The following ADTRP variants were observed in gnomAD, a reference collection of about 807,000 sequenced individuals.
ADTRP encodes the protein androgen-dependent TFPI-regulating protein.
Under a neutral mutation model 27.0 loss-of-function variants are expected in ADTRP, and 20 were observed. The observed-to-expected ratio is 0.74, with a 90% confidence interval of 0.52 to 1.08. The LOEUF (loss-of-function observed/expected upper bound fraction) is 1.08. Ranked by LOEUF, ADTRP falls within the 50% of genes least tolerant of loss-of-function variation. The probability of loss-of-function intolerance (pLI) is 0.00; values close to 1 mark genes in which losing one functional copy is unlikely to be tolerated. For synonymous variants in ADTRP, 101 were observed against 105.2 expected, an observed-to-expected ratio of 0.96 and a Z score of 0.25; for missense variants, 251 against 275.0, an observed-to-expected ratio of 0.91 and a Z score of 0.62.
At chr6:11,716,719 C>CTTTTTCTTTTTCTTT (rs200468981) in intron 5 of ADTRP, among the ~76,000 whole-genome samples, 73 of 125,432 alleles carry the variant, frequency 5.8e-4, no homozygotes, top group Middle Eastern at 4.2e-3. Flanking sequence ...TTTTCTTTTT[C>CTTTTTCTTTTTCTTT]TTTTTTTTTT....
chr6:11,756,447 C>G (rs1026954377), intron 3 of ADTRP, among the ~76,000 whole-genome samples: 1 of 152,104 alleles, frequency 6.6e-6, no homozygotes, highest in Non-Finnish European at 1.5e-5. Context: ...ACATTTCATA[C>G]GCCCTACCTT....
At chr6:11,747,044 C>T (rs529085870) in intron 3 of ADTRP, among the ~76,000 whole-genome samples, 1 of 152,302 alleles carries the variant, frequency 6.6e-6, no homozygotes, top group Non-Finnish European at 1.5e-5. Flanking sequence ...AACGCAGGAC[C>T]AGTTGGCAAG....
intron 3 of ADTRP, among the ~76,000 whole-genome samples, chr6:11,754,101 T>C (rs1397039863): frequency 6.6e-6 from 1 of 152,146 alleles, no homozygotes; most frequent in Non-Finnish European, 1.5e-5. Context: ...GTGATCTGAG[T>C]GAGAATCAAC....
intron 3 of ADTRP, among the ~76,000 whole-genome samples, chr6:11,758,418 T>A (rs1468226742): frequency 6.6e-6 from 1 of 152,082 alleles, no homozygotes; most frequent in African/African-American, 2.4e-5. Context: ...GTTTTCTCCA[T>A]GGTCTCTAAA....
At chr6:11,722,870 G>A (rs1369736771) in intron 5 of ADTRP, among the ~76,000 whole-genome samples, 2 of 152,186 alleles carry the variant, frequency 1.3e-5, no homozygotes, top group Non-Finnish European at 2.9e-5. Context: ...GGAAGGCTGA[G>A]GAGCAGCCTA....
At chr6:11,761,250 C>G (rs1333741945) in intron 3 of ADTRP, among the ~76,000 whole-genome samples, 1 of 151,896 alleles carries the variant, frequency 6.6e-6, no homozygotes, top group Non-Finnish European at 1.5e-5. Flanking sequence ...GCCTTTTTTA[C>G]ACAAACACAC....
chr6:11,738,998 C>T (rs888259140), intron 3 of ADTRP, among the ~76,000 whole-genome samples: 1 of 151,770 alleles, frequency 6.6e-6, no homozygotes, highest in African/African-American at 2.4e-5. Flanking sequence ...TTTCACCTCA[C>T]TTTGACATAA....
At chr6:11,731,408 T>C (rs182242418) in intron 4 of ADTRP, among the ~76,000 whole-genome samples, 1 of 152,312 alleles carries the variant, frequency 6.6e-6, no homozygotes, top group Admixed American at 6.5e-5. Context: ...TTGCTTCCAC[T>C]CCAAACAAAC....
chr6:11,769,882 T>A, intron 1 of ADTRP: 1 of 760,428 alleles, frequency 1.3e-6, no homozygotes, highest in South Asian at 2.0e-5. Flanking sequence ...TCAAAAATCT[T>A]ACTACTCAAA....
intron 3 of ADTRP, among the ~76,000 whole-genome samples, chr6:11,738,027 G>T (rs546116260): frequency 6.6e-6 from 1 of 152,304 alleles, no homozygotes; most frequent in South Asian, 2.1e-4. Flanking sequence ...ATAAAATGGG[G>T]ACAATAAATA....
At chr6:11,758,007 G>A (rs1026367190) in intron 3 of ADTRP, among the ~76,000 whole-genome samples, 10 of 152,064 alleles carry the variant, frequency 6.6e-5, no homozygotes, top group Admixed American at 3.9e-4. Flanking sequence ...TCTCTCCTTC[G>A]GCTCAATATT....
chr6:11,745,881 C>T (rs887752222), intron 3 of ADTRP, among the ~76,000 whole-genome samples: 2 of 152,026 alleles, frequency 1.3e-5, no homozygotes, highest in African/African-American at 4.8e-5. Context: ...ACCTCTGCTG[C>T]CTGGGTTCAA....
At chr6:11,770,106 A>G in intron 1 of ADTRP, 1 of 1,550,650 alleles carries the variant, frequency 6.4e-7, no homozygotes, top group Non-Finnish European at 8.7e-7. Context: ...AAAAATAAAA[A>G]AAATTATCAG....
In ADTRP at chr6:11,778,761, GC is replaced by G. The variant is rs1764042928; in HGVS notation, c.-3del. 1 of 1,613,528 alleles carries G rather than the reference GC, an allele frequency of 6.2e-7. No homozygotes were observed. Among genetic ancestry groups the G allele is most frequent in the Admixed American group, 1.7e-5 (1 of 59,988 alleles). ...TATGCATGTAGAAGTCTTCGTCATG[GC>G]GAGTGCTGACCGGGGCACCGTGAAT... On this transcript the variant is annotated 5_prime_UTR_variant, in exon 1 of 6. Coordinates refer to ENST00000414691, the MANE Select transcript of ADTRP (RefSeq NM_032744.4).
chr6:11,724,892 G>A (rs1190866662), intron 4 of ADTRP, among the ~76,000 whole-genome samples: 1 of 152,222 alleles, frequency 6.6e-6, no homozygotes, highest in Non-Finnish European at 1.5e-5. Context: ...TCTCCACTGA[G>A]GGATGGCACA....
intron 3 of ADTRP, among the ~76,000 whole-genome samples, chr6:11,745,355 T>C (rs1484890224): frequency 6.6e-6 from 1 of 152,218 alleles, no homozygotes; most frequent in African/African-American, 2.4e-5. Context: ...TGCTTCAGCA[T>C]TCTAGGTAAC....
chr6:11,755,831 T>C (rs1044540623), intron 3 of ADTRP, among the ~76,000 whole-genome samples: 2 of 152,336 alleles, frequency 1.3e-5, no homozygotes, highest in Admixed American at 1.3e-4. Context: ...TATCTGGGTG[T>C]GGTGAATGAT....
rs1200589872 is a variant in ADTRP, at chr6:11,735,489, A to G, written c.506+79T>C. ...TAAACCAAGATAAAGGGATTCTGAC[A>G]GAACAGTACACATTTCTGGAACTTC... On this transcript the variant is annotated intron_variant, in intron 4 of 5. Transcript: ENST00000414691. 5.9e-5 allele frequency: 58 copies of G among 975,868 alleles called. No homozygotes were observed. The Admixed American group carries it at 1.3e-3, about 22-fold the overall frequency. 60.5% of individuals were successfully genotyped at this position (975,868 alleles called of 1,614,324 possible).
rs770169717 is a variant in ADTRP, at chr6:11,765,319, G to GT, written c.390+954dup. On this transcript the variant is annotated intron_variant, in intron 3 of 5. Coordinates refer to ENST00000414691, the MANE Select transcript of ADTRP (RefSeq NM_032744.4). ...GCCACTTCCTTGTGCCTTTCCCCTG[G>GT]TTTGTTTTTTTTTTTTTTTTTTTTT... Among the ~76,000 whole-genome samples, 777 of 112,478 alleles carry GT rather than the reference G, an allele frequency of 6.9e-3. 51 individuals are homozygous for GT. The highest frequency in any genetic ancestry group is 0.019 in the East Asian group (52 of 2,718). 73.8% of individuals were successfully genotyped at this position (112,478 alleles called of 152,430 possible). A position where few individuals can be genotyped will look rare whatever the true frequency, so the allele number is the denominator to read the frequency against.
Sources: allele counts gnomAD v4.1 joint callset (sites outside exome capture counted in the v4.1 genomes callset), GRCh38; gene constraint gnomAD v4.1.1; transcripts MANE v1.5; gene names NCBI Gene and HGNC (gene_info 2026-07-23, HGNC 2026-07-21).